The following GNG4 variants were observed in gnomAD, a reference collection of about 807,000 sequenced individuals.
GNG4 encodes the protein guanine nucleotide-binding protein G(I)/G(S)/G(O) subunit gamma-4.
GNG4 carries 4 observed loss-of-function variants against 5.8 expected under a neutral mutation model. That is an observed-to-expected ratio of 0.69 (90% confidence interval 0.34 to 1.57). GNG4 has a LOEUF of 1.57. GNG4 is among the 40% of genes most tolerant of loss of function. The pLI, the probability that GNG4 is intolerant of heterozygous loss-of-function variation, is 0.06. For synonymous variants in GNG4, 29 were observed against 32.9 expected (o/e 0.88, Z 0.41); for missense variants, 96 against 95.1 (o/e 1.01, Z -0.04).
chr1:235,593,058 T>TCTC (rs1688018444), intron 2 of GNG4, among the ~76,000 whole-genome samples: 2 of 151,730 alleles, frequency 1.3e-5, no homozygotes, highest in African/African-American at 4.8e-5. Flanking sequence ...AAGCAATTCT[T>TCTC]CTGCCTCAGC....
chr1:235,626,285 A>C (rs747023913), intron 1 of GNG4, among the ~76,000 whole-genome samples: 8 of 151,950 alleles, frequency 5.3e-5, no homozygotes, highest in Non-Finnish European at 1.2e-4. Flanking sequence ...TTTGTTTTCT[A>C]TTGAGTTTTA....
At chr1:235,570,921 T>TACACACACACAC (rs201995877) in intron 3 of GNG4, among the ~76,000 whole-genome samples, 59 of 63,922 alleles carry the variant, frequency 9.2e-4, no homozygotes, top group African/African-American at 3.9e-3. Flanking sequence ...TACATATATA[T>TACACACACACAC]ATACACACAC....
At chr1:235,564,384 A>T (rs1687142642) in intron 3 of GNG4, among the ~76,000 whole-genome samples, 1 of 152,156 alleles carries the variant, frequency 6.6e-6, no homozygotes, top group South Asian at 2.1e-4. Flanking sequence ...ACTGACATCC[A>T]ATTTACCCAC....
intron 1 of GNG4, among the ~76,000 whole-genome samples, chr1:235,600,100 C>CTCTTTTTTT (rs1688222670): frequency 2.3e-5 from 1 of 43,128 alleles, no homozygotes; most frequent in Admixed American, 3.1e-4. Context: ...CGGAAGAAAG[C>CTCTTTTTTT]TTTTTTTTTT....
chr1:235,563,436 TTTTA>T (rs1687119054), intron 3 of GNG4, among the ~76,000 whole-genome samples: 1 of 147,878 alleles, frequency 6.8e-6, no homozygotes, highest in Non-Finnish European at 1.5e-5. Flanking sequence ...AAAAAAAGCG[TTTTA>T]TCTTTATAGC....
At chr1:235,557,820 G>T (rs763327996) in intron 3 of GNG4, among the ~76,000 whole-genome samples, 1 of 152,070 alleles carries the variant, frequency 6.6e-6, no homozygotes, top group Non-Finnish European at 1.5e-5. Flanking sequence ...AGTCAGGTTG[G>T]GCCCATGTTC....
At chr1:235,559,607 C>T (rs757929325) in intron 3 of GNG4, among the ~76,000 whole-genome samples, 86 of 152,162 alleles carry the variant, frequency 5.7e-4, no homozygotes, top group Non-Finnish European at 1.1e-3. Flanking sequence ...GAGAGGCTTC[C>T]GCCCTGTGGG....
intron 1 of GNG4, among the ~76,000 whole-genome samples, chr1:235,629,881 C>G (rs141080308): frequency 1.4e-3 from 210 of 152,308 alleles, no homozygotes; most frequent in African/African-American, 4.5e-3. Flanking sequence ...CATGAGCCAC[C>G]ATGCCTGGCT....
chr1:235,580,673 G>T (rs530585032), intron 3 of GNG4, among the ~76,000 whole-genome samples: 1 of 149,560 alleles, frequency 6.7e-6, no homozygotes, highest in African/African-American at 2.5e-5. Flanking sequence ...CCTCTGGCAG[G>T]CCCCCTGAGG....
intron 3 of GNG4, among the ~76,000 whole-genome samples, chr1:235,564,795 T>C (rs597643): frequency 0.69 from 105,009 of 151,968 alleles, 36,767 homozygotes; most frequent in East Asian, 0.86. Flanking sequence ...AAGCGATTCT[T>C]CTGCCTCAGC....
chr1:235,639,966 C>T (rs564500603), intron 1 of GNG4, among the ~76,000 whole-genome samples: 58 of 152,264 alleles, frequency 3.8e-4, no homozygotes, highest in South Asian at 1.0e-3. Context: ...AGGTCTGTGT[C>T]CTTTGGGGTG....
chr1:235,621,281 CTTTT>C (rs149843659), intron 1 of GNG4, among the ~76,000 whole-genome samples: 1 of 108,218 alleles, frequency 9.2e-6, no homozygotes, highest in East Asian at 2.6e-4. Flanking sequence ...TTTTCTTTTT[CTTTT>C]TCTTTTCTTT....
intron 1 of GNG4, among the ~76,000 whole-genome samples, chr1:235,612,466 G>A (rs1230041774): frequency 2.0e-5 from 3 of 152,166 alleles, no homozygotes; most frequent in Non-Finnish European, 4.4e-5. Context: ...TCTCGGGGAC[G>A]TGACTTTCAC....
chr1:235,615,410 G>T, intron 1 of GNG4: 1 of 154,208 alleles, frequency 6.5e-6, no homozygotes, highest in South Asian at 1.9e-4. Context: ...TGAAGTGTGG[G>T]GATACGATCT....
chr1:235,556,980 A>T (rs1168636333), intron 3 of GNG4, among the ~76,000 whole-genome samples: 1 of 152,050 alleles, frequency 6.6e-6, no homozygotes, highest in Non-Finnish European at 1.5e-5. Context: ...GCCGCTGCTG[A>T]TCTCACAGGA....
At chr1:235,579,959 A>T (rs779478201) in intron 3 of GNG4, among the ~76,000 whole-genome samples, 6 of 152,116 alleles carry the variant, frequency 3.9e-5, no homozygotes, top group Non-Finnish European at 7.4e-5. Flanking sequence ...AGATACCTGC[A>T]CACCCATGTT....
At chr1:235,620,781 T>C (rs919491855) in intron 1 of GNG4, among the ~76,000 whole-genome samples, 3 of 152,188 alleles carry the variant, frequency 2.0e-5, no homozygotes, top group Non-Finnish European at 2.9e-5. Context: ...GTGATCCACC[T>C]GCCTCGGCCT....
chr1:235,585,901 T>C (rs573506027), intron 2 of GNG4, among the ~76,000 whole-genome samples: 2 of 152,340 alleles, frequency 1.3e-5, no homozygotes, highest in East Asian at 3.9e-4. Flanking sequence ...AGTCATTTAA[T>C]GCTACCTTCA....
rs113992820 is a variant in GNG4 at position 235,576,396 on chromosome 1, T to C, written c.99+7344A>G. 3.0e-4 allele frequency among the ~76,000 whole-genome samples: 46 copies of C among 152,286 alleles called. 1 individual carries two copies. The highest frequency in any genetic ancestry group is 1.1e-3 in the African/African-American group (46 of 41,552). ...CTTTTCTAATAGAGTTTTAGATTGT[T>C]TGAACTTCTGATGGGTGAGAAAAAG... On this transcript the variant is annotated intron_variant, in intron 3 of 3. Coordinates refer to ENST00000391854, the MANE Select transcript of GNG4 (RefSeq NM_001098722.2).
Sources: allele counts gnomAD v4.1 joint callset (sites outside exome capture counted in the v4.1 genomes callset), GRCh38; gene constraint gnomAD v4.1.1; transcripts MANE v1.5; gene names NCBI Gene and HGNC (gene_info 2026-07-23, HGNC 2026-07-21).